Variants in TMEM38B observed in about 807,000 individuals in gnomAD.
TMEM38B encodes the protein trimeric intracellular cation channel type B.
A neutral mutation model predicts 28.7 loss-of-function variants in TMEM38B; 24 were observed. That is an observed-to-expected ratio of 0.84 (90% CI 0.61 to 1.18). The LOEUF is 1.18. Ranked by LOEUF, TMEM38B falls within the 50% of genes most tolerant of loss-of-function variation. The pLI is 0.00. For missense variants in TMEM38B, 380 were observed against 350.9 expected, an observed-to-expected ratio of 1.08 and a Z score of -0.66; for synonymous variants, 131 against 127.7, an observed-to-expected ratio of 1.03 and a Z score of -0.17.
intron 4 of TMEM38B, among the ~76,000 whole-genome samples, chr9:105,744,155 C>T (rs1303318717): frequency 6.6e-6 from 1 of 150,786 alleles, no homozygotes; most frequent in African/African-American, 2.4e-5. Flanking sequence ...GCAAAGAATT[C>T]GTATGTAAAA....
At chr9:105,744,388 G>T (rs1837312355) in intron 4 of TMEM38B, among the ~76,000 whole-genome samples, 1 of 151,842 alleles carries the variant, frequency 6.6e-6, no homozygotes, top group African/African-American at 2.4e-5. Flanking sequence ...TTTTAACTTA[G>T]AACGTGTTAT....
At chr9:105,709,833 C>T (rs1004010273) in intron 2 of TMEM38B, among the ~76,000 whole-genome samples, 65 of 152,212 alleles carry the variant, frequency 4.3e-4, no homozygotes, top group South Asian at 4.1e-4. Context: ...CCAATAATGG[C>T]GAAAATGGAA....
At chr9:105,749,679 C>G (rs1837573278) in intron 5 of TMEM38B, among the ~76,000 whole-genome samples, 1 of 152,206 alleles carries the variant, frequency 6.6e-6, no homozygotes, top group South Asian at 2.1e-4. Context: ...ATTTTTATCA[C>G]TCCAAAAAGA....
At position 105,721,577 on chromosome 9, in the gene TMEM38B, G is replaced by T; in HGVS notation, c.310G>T (p.Gly104Cys). Reference protein sequence around the residue: ...FFCPHDLVSQGYSYLPVQLLA... With the variant: ...FFCPHDLVSQCYSYLPVQLLA... Reference sequence around the variant, plus strand: ...TTGCCCGCATGACCTAGTTTCCCAGGGCTATTCATATCTACCTGTTCAACT... The same window carrying T: ...TTGCCCGCATGACCTAGTTTCCCAGTGCTATTCATATCTACCTGTTCAACT... The change falls in exon 3 of 6, where the codon GGC becomes TGC. Residue 104 changes from glycine (G) to cysteine (C), a missense_variant. Physicochemically the swap from Gly to Cys is radical, Grantham distance 159. Transcript: ENST00000374692. The T allele has an allele frequency of 1.2e-6, 2 of 1,611,862 alleles. No individual in the cohort carries two copies. Among genetic ancestry groups the T allele is most frequent in the Non-Finnish European group, 1.7e-6 (2 of 1,178,846 alleles).
At chr9:105,755,349 T>C (rs1837798762) in intron 5 of TMEM38B, among the ~76,000 whole-genome samples, 1 of 152,194 alleles carries the variant, frequency 6.6e-6, no homozygotes, top group Non-Finnish European at 1.5e-5. Flanking sequence ...GATGCTGGGC[T>C]TAATACCTGT....
At chr9:105,718,418 T>C (rs1836192494) in intron 2 of TMEM38B, among the ~76,000 whole-genome samples, 1 of 152,162 alleles carries the variant, frequency 6.6e-6, no homozygotes, top group Non-Finnish European at 1.5e-5. Flanking sequence ...TTGTGTTTTT[T>C]AGTAGAGATG....
chr9:105,700,198 TTA>T (rs1835418981), intron 1 of TMEM38B, among the ~76,000 whole-genome samples: 1 of 152,188 alleles, frequency 6.6e-6, no homozygotes, highest in Admixed American at 6.5e-5. Context: ...GTATTGGGCA[TTA>T]TATTAGATGT....
At chr9:105,699,249 C>G (rs1380086775) in intron 1 of TMEM38B, among the ~76,000 whole-genome samples, 6 of 152,092 alleles carry the variant, frequency 3.9e-5, no homozygotes, top group Admixed American at 3.9e-4. Context: ...TCCTCCTACT[C>G]CAACACCACT....
At chr9:105,695,325 C>T (rs2133538144) in intron 1 of TMEM38B, among the ~76,000 whole-genome samples, 2 of 152,306 alleles carry the variant, frequency 1.3e-5, no homozygotes, top group Middle Eastern at 6.8e-3. Context: ...AAAAAGCCTC[C>T]TGTAGCCAGA....
At chr9:105,738,880 G>C (rs544413630) in intron 4 of TMEM38B, among the ~76,000 whole-genome samples, 6 of 151,586 alleles carry the variant, frequency 4.0e-5, no homozygotes, top group Non-Finnish European at 8.8e-5. Context: ...GCCACACCCA[G>C]GTAATTTTTA....
At chr9:105,709,017 T>C (rs1352152331) in intron 2 of TMEM38B, among the ~76,000 whole-genome samples, 1 of 151,884 alleles carries the variant, frequency 6.6e-6, no homozygotes, top group Non-Finnish European at 1.5e-5. Flanking sequence ...ACTGTCAAAG[T>C]TATTTATTCA....
chr9:105,711,300 G>A (rs1462293164), intron 2 of TMEM38B, among the ~76,000 whole-genome samples: 1 of 151,998 alleles, frequency 6.6e-6, no homozygotes, highest in Non-Finnish European at 1.5e-5. Context: ...AATTAGCTGA[G>A]CGTGGTGGCC....
At chr9:105,753,498 TGG>T (rs771886001) in intron 5 of TMEM38B, among the ~76,000 whole-genome samples, 3 of 152,140 alleles carry the variant, frequency 2.0e-5, no homozygotes, top group Non-Finnish European at 4.4e-5. Flanking sequence ...CAGAAGAGAT[TGG>T]GGGCCAATAT....
At chr9:105,757,494 C>G (rs1346262493) in intron 5 of TMEM38B, among the ~76,000 whole-genome samples, 2 of 152,086 alleles carry the variant, frequency 1.3e-5, no homozygotes, top group Non-Finnish European at 2.9e-5. Flanking sequence ...TACTGTTTTC[C>G]ATAGTGATTG....
At chr9:105,704,708 G>A (rs1197927341) in intron 1 of TMEM38B, among the ~76,000 whole-genome samples, 2 of 151,966 alleles carry the variant, frequency 1.3e-5, no homozygotes, top group African/African-American at 2.4e-5. Context: ...GGTGGATCAC[G>A]AGATCAGGAG....
chr9:105,748,231 T>TA (rs1837505546), intron 5 of TMEM38B, 41 bp downstream of exon 5: 2 of 1,407,960 alleles, frequency 1.4e-6, no homozygotes, highest in African/African-American at 2.8e-5. Context: ...AAATCCTGTA[T>TA]AACTATTCCC....
chr9:105,759,604 G>C, intron 5 of TMEM38B: 2 of 1,567,646 alleles, frequency 1.3e-6, no homozygotes, highest in Non-Finnish European at 1.8e-6. Context: ...AGATGTGTCA[G>C]GGAATTCAAG....
At chr9:105,765,795 C>CTTT (rs1164202698) in intron 5 of TMEM38B, among the ~76,000 whole-genome samples, 1 of 151,688 alleles carries the variant, frequency 6.6e-6, no homozygotes, top group South Asian at 2.1e-4. Context: ...CACATATTTT[C>CTTT]TTTTTTTTCT....
Position 105,771,029 on chromosome 9 carries a change from AG to A in TMEM38B, c.661-2835del, listed in dbSNP as rs1826527185. ...TGAAATGGTGTAACTTGAGATATAA[AG>A]AATGTGGCAGAGCTTTAAACAAATT... is the stretch of plus-strand genomic sequence containing the variant. On this transcript the variant is annotated intron_variant, in intron 5 of 5. Coordinates refer to ENST00000374692, the MANE Select transcript of TMEM38B (RefSeq NM_018112.3). Among the ~76,000 whole-genome samples the A allele has an allele frequency of 2.0e-5, 3 of 152,308 alleles. No individual in the cohort carries two copies. The South Asian group carries it at 6.2e-4, about 32-fold the overall frequency.
Sources: gnomAD v4.1 joint callset for allele counts (sites outside exome capture counted in the v4.1 genomes callset) on GRCh38, gnomAD v4.1.1 for gene constraint, MANE v1.5 for transcripts, NCBI Gene and HGNC (gene_info 2026-07-23, HGNC 2026-07-21) for gene names.